The following SASH1 variants were observed in gnomAD, a reference collection of about 807,000 sequenced individuals.
SASH1 encodes SAM and SH3 domain containing 1.
Under a neutral mutation model 125.2 loss-of-function variants are expected in SASH1, and 44 were observed. That is an observed-to-expected ratio of 0.35 (90% confidence interval 0.28 to 0.45). The LOEUF is 0.45. Ranked by LOEUF, SASH1 falls within the 20% of genes least tolerant of loss-of-function variation. SASH1 has a pLI of 1.00. For synonymous variants in SASH1, 639 were observed against 649.1 expected (o/e 0.98, Z 0.24); for missense variants, 1,426 against 1,614.5 (o/e 0.88, Z 2.00).
intron 1 of SASH1, among the ~76,000 whole-genome samples, chr6:148,346,849 C>T (rs9322145): frequency 0.3 from 45,861 of 151,972 alleles, 7,013 homozygotes; most frequent in East Asian, 0.42. Flanking sequence ...TAAACCTTGG[C>T]GTTCTTGTGA....
chr6:148,264,363 C>T, the SASH1 span, among the ~76,000 whole-genome samples: 3 of 152,142 alleles, frequency 2.0e-5, no homozygotes, highest in Admixed American at 2.0e-4. Context: ...CAGATTATAA[C>T]TTCTGCTTTT....
At chr6:148,360,205 C>G (rs751115784) in intron 1 of SASH1, among the ~76,000 whole-genome samples, 5 of 151,754 alleles carry the variant, frequency 3.3e-5, no homozygotes, top group Non-Finnish European at 7.4e-5. Context: ...GAACAAGGGA[C>G]GTCCTTCATT....
At chr6:148,238,189 C>T in the SASH1 span, among the ~76,000 whole-genome samples, 4 of 152,040 alleles carry the variant, frequency 2.6e-5, 1 homozygote, top group East Asian at 7.7e-4. Flanking sequence ...ATCCCCTTTT[C>T]CTAGTTTCAC....
In SASH1 at chr6:148,532,794, C is replaced by T. The variant is rs763162127; in HGVS notation, c.1565-3C>T. 1.9e-6 allele frequency: 3 copies of T among 1,614,128 alleles called. No homozygotes were observed. The highest frequency in any genetic ancestry group is 2.2e-5 in the South Asian group (2 of 91,076). ...CCGTGTTCTTCCTATGTTTCCTGTA[C>T]AGGCGGTCAAACAGTGAGCACCACT... is the stretch of plus-strand genomic sequence containing the variant. On this transcript the variant is annotated splice_polypyrimidine_tract_variant and splice_region_variant and intron_variant, in intron 13 of 19. Transcript: ENST00000367467. This position sits in a 1 kb window ranked among gnomAD's most constrained non-coding sequence, Gnocchi z 4.7.
intron 1 of SASH1, among the ~76,000 whole-genome samples, chr6:148,281,916 C>T (rs1391741999): frequency 1.8e-4 from 16 of 90,270 alleles, no homozygotes; most frequent in African/African-American, 7.2e-4. Flanking sequence ...AGCGAGACTC[C>T]GTCTCAAAAA....
At chr6:148,521,601 T>C (rs1334120905) in intron 10 of SASH1, among the ~76,000 whole-genome samples, 2 of 152,236 alleles carry the variant, frequency 1.3e-5, no homozygotes, top group African/African-American at 4.8e-5. Context: ...ACTACTAGTA[T>C]GTAGCAGGAA....
chr6:148,412,187 A>T (rs1376725985), intron 2 of SASH1, among the ~76,000 whole-genome samples: 1 of 152,194 alleles, frequency 6.6e-6, no homozygotes, highest in Non-Finnish European at 1.5e-5. Context: ...CTAGATTTTG[A>T]TACAAGGATT....
intron 4 of SASH1, 104 bp downstream of exon 4, chr6:148,440,511 G>T (rs1583163680): frequency 2.2e-6 from 2 of 929,582 alleles, no homozygotes; most frequent in East Asian, 4.8e-5. Context: ...GTACTATGGA[G>T]TTATGCGATG....
intron 2 of SASH1, among the ~76,000 whole-genome samples, chr6:148,411,166 CAAAAAAAAAAA>C (rs56342457): frequency 5.0e-4 from 23 of 46,180 alleles, no homozygotes; most frequent in Middle Eastern, 0.025. Context: ...ACTCCATCTC[CAAAAAAAAAAA>C]AAAAAAAAAA....
chr6:148,200,170 G>A, the SASH1 span, among the ~76,000 whole-genome samples: 1 of 152,184 alleles, frequency 6.6e-6, no homozygotes, highest in East Asian at 1.9e-4. Context: ...TGTGACTACA[G>A]CATTTTAAGC....
At chr6:148,284,267 C>T (rs918998181) in intron 1 of SASH1, among the ~76,000 whole-genome samples, 3 of 152,062 alleles carry the variant, frequency 2.0e-5, no homozygotes, top group African/African-American at 4.8e-5. Context: ...AGTGAAACCC[C>T]GTCTCTACTA....
intron 10 of SASH1, chr6:148,524,677 C>T (rs28364757): frequency 0.16 from 23,770 of 152,134 alleles, 2,087 homozygotes; most frequent in Middle Eastern, 0.29. Flanking sequence ...TTGGGCAGTT[C>T]GATGGGAAAG....
intron 4 of SASH1, among the ~76,000 whole-genome samples, chr6:148,466,562 A>C (rs1777845373): frequency 6.6e-6 from 1 of 152,088 alleles, no homozygotes; most frequent in Non-Finnish European, 1.5e-5. Flanking sequence ...AGGATATTCA[A>C]TTCTTCTTCC....
intron 1 of SASH1, among the ~76,000 whole-genome samples, chr6:148,334,499 T>C (rs1322475621): frequency 7.3e-6 from 1 of 137,608 alleles, no homozygotes; most frequent in Non-Finnish European, 1.6e-5. Context: ...TGAAGGGAAG[T>C]GGATGACTTT....
At chr6:148,368,205 C>G (rs531163707) in intron 1 of SASH1, among the ~76,000 whole-genome samples, 1 of 152,112 alleles carries the variant, frequency 6.6e-6, no homozygotes. Flanking sequence ...GCAGTGAGCC[C>G]GTACTTCTGT....
At chr6:148,217,822 G>A in the SASH1 span, among the ~76,000 whole-genome samples, 1 of 150,616 alleles carries the variant, frequency 6.6e-6, no homozygotes, top group Non-Finnish European at 1.5e-5. Context: ...GACCAGCCTG[G>A]GCAACATAGT....
At chr6:148,408,056 T>A (rs1008076216) in intron 2 of SASH1, among the ~76,000 whole-genome samples, 3 of 152,058 alleles carry the variant, frequency 2.0e-5, no homozygotes, top group African/African-American at 4.8e-5. Flanking sequence ...TTTTTGATAA[T>A]AACTATCCTA....
chr6:148,203,920 G>T, the SASH1 span, among the ~76,000 whole-genome samples: 20 of 152,256 alleles, frequency 1.3e-4, no homozygotes, highest in African/African-American at 4.6e-4. Flanking sequence ...CTCAACCTGT[G>T]GCCCTTGTAC....
At chr6:148,400,808 A>G (rs557361976) in intron 2 of SASH1, among the ~76,000 whole-genome samples, 1 of 152,256 alleles carries the variant, frequency 6.6e-6, no homozygotes, top group Non-Finnish European at 1.5e-5. Context: ...TATCAGTGGG[A>G]GGTTTCTCTC....
Sources: allele counts gnomAD v4.1 joint callset (sites outside exome capture counted in the v4.1 genomes callset), GRCh38; gene constraint gnomAD v4.1.1; non-coding constraint Gnocchi (gnomAD v3.1); transcripts MANE v1.5; gene names NCBI Gene and HGNC (gene_info 2026-07-23, HGNC 2026-07-21).